COQ4: variants seen among roughly 807,000 people sequenced by gnomAD.
COQ4 encodes coenzyme Q4.
A neutral mutation model predicts 30.2 loss-of-function variants in COQ4; 36 were observed. The observed-to-expected ratio is 1.19, with a 90% CI of 0.91 to 1.57. COQ4 has a LOEUF of 1.57. COQ4 is among the 40% of genes most tolerant of loss of function. The pLI, the probability that COQ4 is intolerant of heterozygous loss-of-function variation, is 0.00. For synonymous variants in COQ4, 197 were observed against 161.0 expected (o/e 1.22, Z -1.69); for missense variants, 369 against 371.9 (o/e 0.99, Z 0.07).
intron 1 of COQ4, 24 bp from the exon 2 acceptor site, chr9:128,322,992 C>T (rs761981392): frequency 6.2e-7 from 1 of 1,610,006 alleles, no homozygotes; most frequent in Non-Finnish European, 8.5e-7. Flanking sequence ...CTCCTCTGAC[C>T]TCGGCCTTTT....
intron 2 of COQ4, 81 bp from the exon 3 acceptor site, chr9:128,325,062 G>A: frequency 1.1e-6 from 1 of 947,900 alleles, no homozygotes; most frequent in South Asian, 1.5e-5. Context: ...AATTTATCCT[G>A]TAGGAAACAA....
At chr9:128,325,278 C>G (rs200384353) in intron 3 of COQ4, 39 bp downstream of exon 3, 1 of 1,403,054 alleles carries the variant, frequency 7.1e-7, no homozygotes, top group Non-Finnish European at 1.0e-6. Flanking sequence ...GGGGCATTCT[C>G]TAGGTATTCT....
intron 4 of COQ4, chr9:128,326,166 T>C: frequency 1.8e-6 from 1 of 567,436 alleles, no homozygotes; most frequent in Non-Finnish European, 3.1e-6. Flanking sequence ...AAGTATGTTC[T>C]ATTATTATCC....
At position 128,326,566 on chromosome 9, in the gene COQ4, C is replaced by A. The variant is rs1832325083; in HGVS notation, c.402+685C>A. On this transcript the variant is annotated intron_variant, in intron 4 of 6. Transcript: ENST00000300452. ...CACGCCATTCTCCTGCCTCAGCCTCCCGAGTAGCTGGGACTACAGGCGCCC... is the reference window on the plus strand; with the variant it reads ...CACGCCATTCTCCTGCCTCAGCCTCACGAGTAGCTGGGACTACAGGCGCCC... 1.3e-5 allele frequency among the ~76,000 whole-genome samples: 2 copies of A among 152,130 alleles called. 1 individual carries two copies. Among genetic ancestry groups the A allele is most frequent in the South Asian group, 4.1e-4 (2 of 4,832 alleles).
intron 3 of COQ4, 123 bp downstream of exon 3, chr9:128,325,362 C>A: frequency 1.4e-6 from 1 of 698,542 alleles, no homozygotes; most frequent in Non-Finnish European, 2.4e-6. Flanking sequence ...CATATGGTTG[C>A]ACAGGCTGGG....
At chr9:128,328,689 T>C (rs1588541503) in intron 4 of COQ4, among the ~76,000 whole-genome samples, 1 of 152,314 alleles carries the variant, frequency 6.6e-6, no homozygotes, top group East Asian at 1.9e-4. Context: ...CCTGCACAGC[T>C]ACCTTGACGG....
intron 6 of COQ4, 21 bp downstream of exon 6, chr9:128,332,964 T>C: frequency 3.1e-6 from 5 of 1,593,764 alleles, no homozygotes; most frequent in Non-Finnish European, 4.3e-6. Flanking sequence ...AAGTGGTAGC[T>C]GGGTCGGGGT....
At chr9:128,331,025 G>C (rs1412890571) in intron 4 of COQ4, 1 of 151,978 alleles carries the variant, frequency 6.6e-6, no homozygotes, top group Non-Finnish European at 1.5e-5. Context: ...TTTTAGTAGA[G>C]ACGGAGTTTC....
chr9:128,333,778 T>C lies in COQ4; in HGVS notation c.*133T>C. On this transcript the variant is annotated 3_prime_UTR_variant, in exon 7 of 7. Coordinates refer to ENST00000300452, the MANE Select transcript of COQ4 (RefSeq NM_016035.5). ...GGACAACATTTATCATAATTTGTCA[T>C]AACCACTGCTGAGTGGCCTTGAGGA... 1 of 882,052 alleles carries C rather than the reference T, an allele frequency of 1.1e-6. No homozygotes were observed. Among genetic ancestry groups the C allele is most frequent in the Non-Finnish European group, 1.6e-6 (1 of 623,394 alleles). The allele number at this position is 882,052 out of a possible 1,614,324, so 54.6% of individuals were successfully genotyped here.
Position 128,333,842 on chromosome 9 carries a change from A to G in COQ4, c.*197A>G. On this transcript the variant is annotated 3_prime_UTR_variant, in exon 7 of 7. Transcript: ENST00000300452. ...GAGCAAGCAGTACAGTGGCATTCCC[A>G]GGGGGACCAGCAGCTACCCAAGGAG... 2.3e-6 allele frequency: 1 copy of G among 433,686 alleles called. No homozygotes were observed. The highest frequency in any genetic ancestry group is 4.0e-6 in the Non-Finnish European group (1 of 248,648). The allele number at this position is 433,686 out of a possible 1,614,324, so 26.9% of individuals were successfully genotyped here.
chr9:128,332,064 T>G, intron 4 of COQ4, 89 bp from the exon 5 acceptor site: 316 of 1,426,844 alleles, frequency 2.2e-4, no homozygotes, highest in Middle Eastern at 3.6e-4. Flanking sequence ...ATGAGTTAGG[T>G]GAGAGTTGTG....
chr9:128,322,883 C>G lies in COQ4; in HGVS notation c.25C>G (p.Leu9Val). MATLLRPV[L>V]RRLCGLPGLQ... ...CATGGCGACTCTGCTGCGCCCTGTC[C>G]TCCGTCGGCTCTGCGGGCTCCCGGG... The change falls in exon 1 of 7, where the codon CTC becomes GTC. Residue 9 changes from leucine (L) to valine (V), a missense_variant. Physicochemically the swap from Leu to Val is conservative, Grantham distance 32. Transcript: ENST00000300452. The G allele has an allele frequency of 6.3e-7, 1 of 1,586,432 alleles. No homozygotes were observed. The highest frequency in any genetic ancestry group is 8.5e-7 in the Non-Finnish European group (1 of 1,170,486).
Position 128,325,901 on chromosome 9 carries a change from GTA to G in COQ4, c.402+22_402+23del, listed in dbSNP as rs1358261834. 6.3e-7 allele frequency: 1 copy of G among 1,595,134 alleles called. No individual in the cohort carries two copies. The highest frequency in any genetic ancestry group is 2.2e-5 in the East Asian group (1 of 44,808). On this transcript the variant is annotated intron_variant, in intron 4 of 6. Coordinates refer to ENST00000300452, the MANE Select transcript of COQ4 (RefSeq NM_016035.5). ...GTGAACGTGAGTTTTCAGCTCCTGT[GTA>G]TCTGGCAGTCACCAGACAGGACAGA...
chr9:128,329,011 A>G (rs1225226938), intron 4 of COQ4, among the ~76,000 whole-genome samples: 1 of 152,188 alleles, frequency 6.6e-6, no homozygotes, highest in Non-Finnish European at 1.5e-5. Flanking sequence ...ATTTAGATAA[A>G]GGTTCAAGGT....
Position 128,325,735 on chromosome 9 carries a change from T to C in COQ4, c.300-44T>C, listed in dbSNP as rs571683970. 6.0e-6 allele frequency: 9 copies of C among 1,506,026 alleles called. No homozygotes were observed. In the South Asian group the frequency reaches 1.0e-4, roughly 17 times the overall value. 93.3% of individuals were successfully genotyped at this position (1,506,026 alleles called of 1,614,324 possible). ...GCTCGCTGTAGTTGGATCGTTCACC[T>C]ACCTTTGCCCACACCCTCCCAATGC... On this transcript the variant is annotated intron_variant, in intron 3 of 6. Transcript: ENST00000300452.
intron 2 of COQ4, among the ~76,000 whole-genome samples, chr9:128,324,093 C>G (rs1305885653): frequency 6.6e-6 from 1 of 152,152 alleles, no homozygotes; most frequent in Non-Finnish European, 1.5e-5. Context: ...AAGCGATTCT[C>G]GTGCCTCAGC....
rs1703393137 is a variant in COQ4 at position 128,325,347 on chromosome 9, G to A, written c.299+108G>A. 3.4e-5 allele frequency: 26 copies of A among 758,606 alleles called. No individual in the cohort carries two copies. The South Asian group carries it at 4.6e-4, about 14-fold the overall frequency. 47.0% of individuals were successfully genotyped at this position (758,606 alleles called of 1,614,324 possible). ...TCCGCTAGGGAGCTTTTGATACCCT[G>A]GCTACATATGGTTGCACAGGCTGGG... On this transcript the variant is annotated intron_variant, in intron 3 of 6. Coordinates refer to ENST00000300452, the MANE Select transcript of COQ4 (RefSeq NM_016035.5).
Position 128,332,154 on chromosome 9 carries a change from G to A in COQ4, c.404G>A (p.Arg135Lys). Residue 135 changes from arginine (R) to lysine (K), a missense_variant and splice_region_variant, in exon 5 of 7, where the codon AGG becomes AAG. Transcript: ENST00000300452. ...CTAGGGGAGGCTCATGGTTGTCAGA[G>A]GGTCTCCCCAGACACCCGAGCACCC... ...REYLRFLDVN[R>K]VSPDTRAPTR... 6.4e-7 allele frequency: 1 copy of A among 1,564,068 alleles called. No homozygotes were observed. The highest frequency in any genetic ancestry group is 8.7e-7 in the Non-Finnish European group (1 of 1,153,900).
chr9:128,325,179 G>A lies in COQ4; in HGVS notation c.239G>A (p.Arg80His), dbSNP rs527905977. Residue 80 changes from arginine (R) to histidine (H), a missense_variant, in exon 3 of 7, where the codon CGC (arginine) becomes CAC (histidine). Arg to His is a conservative substitution (Grantham distance 29). Coordinates refer to ENST00000300452, the MANE Select transcript of COQ4 (RefSeq NM_016035.5). ...VAVLGETTGH[R>H]TLKVLRDQMR... Reference sequence around the variant, plus strand: ...GTTCTAGGGGAGACCACAGGACACCGCACCCTGAAGGTCCTCAGGGACCAG... The same window carrying A: ...GTTCTAGGGGAGACCACAGGACACCACACCCTGAAGGTCCTCAGGGACCAG... 6 of 1,614,042 alleles carry A rather than the reference G, an allele frequency of 3.7e-6. No individual in the cohort carries two copies. Among genetic ancestry groups the A allele is most frequent in the East Asian group, 2.2e-5 (1 of 44,890 alleles).
Sources: gnomAD v4.1 joint callset for allele counts (sites outside exome capture counted in the v4.1 genomes callset) on GRCh38, gnomAD v4.1.1 for gene constraint, MANE v1.5 for transcripts, NCBI Gene and HGNC (gene_info 2026-07-23, HGNC 2026-07-21) for gene names.